Variants in PCDH9 observed in about 807,000 individuals in gnomAD.
PCDH9 encodes the protein protocadherin-9.
Under a neutral mutation model 70.6 loss-of-function variants are expected in PCDH9, and 24 were observed. That is an observed-to-expected ratio of 0.34 (90% confidence interval 0.25 to 0.48). PCDH9 has a LOEUF of 0.48. PCDH9 is among the 20% of genes least tolerant of loss of function. PCDH9 has a pLI of 0.99. For synonymous variants in PCDH9, 562 were observed against 558.5 expected, an observed-to-expected ratio of 1.01 and a Z score of -0.09; for missense variants, 1,281 against 1,503.6, an observed-to-expected ratio of 0.85 and a Z score of 2.45.
At chr13:66,996,147 G>C (rs2139809338) in intron 2 of PCDH9, 1 of 152,188 alleles carries the variant, frequency 6.6e-6, no homozygotes, top group East Asian at 1.9e-4. Flanking sequence ...ACTGAAGCTT[G>C]GGTTCTCAGA....
chr13:66,777,953 T>TA (rs1449674961), intron 3 of PCDH9, among the ~76,000 whole-genome samples: 1 of 151,872 alleles, frequency 6.6e-6, no homozygotes, highest in African/African-American at 2.4e-5. Context: ...TATGCAGCCA[T>TA]AAAAAATGAT....
chr13:66,859,638 A>G (rs1224569508), intron 3 of PCDH9, among the ~76,000 whole-genome samples: 2 of 152,206 alleles, frequency 1.3e-5, no homozygotes, highest in East Asian at 3.9e-4. Flanking sequence ...AATATAAAGT[A>G]ACCAAAGTTA....
At chr13:66,631,618 C>T (rs1006829304) in intron 3 of PCDH9, among the ~76,000 whole-genome samples, 4 of 152,138 alleles carry the variant, frequency 2.6e-5, no homozygotes, top group African/African-American at 9.7e-5. Flanking sequence ...GAATTTCAAT[C>T]TTGTATAATT....
rs539156122 is a variant in PCDH9 at position 67,158,288 on chromosome 13, G to T, written c.3036+67117C>A. ...ACCTATTTGATTTCATATATCCATT[G>T]CTTGAATATCTATGTGGCTTGCAAA... On this transcript the variant is annotated intron_variant, in intron 2 of 4. Transcript: ENST00000377865. 2.2e-4 allele frequency among the ~76,000 whole-genome samples: 33 copies of T among 152,240 alleles called. No individual in the cohort carries two copies. The East Asian group carries it at 6.0e-3, about 28-fold the overall frequency.
chr13:67,171,190 A>T (rs1450839752), intron 2 of PCDH9, among the ~76,000 whole-genome samples: 1 of 152,176 alleles, frequency 6.6e-6, no homozygotes, highest in Non-Finnish European at 1.5e-5. Context: ...TCCCACAGGG[A>T]ATAATTTTTC....
chr13:67,212,795 A>G (rs2089495027), intron 2 of PCDH9: 1 of 152,312 alleles, frequency 6.6e-6, no homozygotes, highest in Admixed American at 6.5e-5. Flanking sequence ...CAGGGAACCC[A>G]TTCACATAGG....
At chr13:67,003,793 G>A (rs1476206823) in intron 2 of PCDH9, among the ~76,000 whole-genome samples, 3 of 152,132 alleles carry the variant, frequency 2.0e-5, no homozygotes, top group African/African-American at 7.2e-5. Flanking sequence ...ACGCTTTACA[G>A]GAACGCTTTT....
rs185451386 is a variant in PCDH9, at chr13:66,368,200, T to C, written c.3341-63172A>G. On this transcript the variant is annotated intron_variant, in intron 4 of 4. Coordinates refer to ENST00000377865, the MANE Select transcript of PCDH9 (RefSeq NM_203487.3). ...TCTAGAACAGAGAGTGAACATTTTCTAAATGTCTTTAACATTACTAAATGA... is the reference window on the plus strand; with the variant it reads ...TCTAGAACAGAGAGTGAACATTTTCCAAATGTCTTTAACATTACTAAATGA... Among the ~76,000 whole-genome samples the C allele has an allele frequency of 5.6e-3, 859 of 152,230 alleles. 8 individuals carry two copies. The highest frequency in any genetic ancestry group is 0.019 in the African/African-American group (802 of 41,580).
At chr13:66,954,787 G>A (rs572317416) in intron 2 of PCDH9, among the ~76,000 whole-genome samples, 2 of 152,170 alleles carry the variant, frequency 1.3e-5, no homozygotes, top group South Asian at 4.2e-4. Context: ...TTTTTGAGAC[G>A]GAGTCTCGCT....
intron 3 of PCDH9, among the ~76,000 whole-genome samples, chr13:66,815,120 G>A (rs957427935): frequency 6.6e-6 from 1 of 151,968 alleles, no homozygotes; most frequent in Non-Finnish European, 1.5e-5. Context: ...GACCTAAACA[G>A]ACAATTTTCA....
intron 3 of PCDH9, among the ~76,000 whole-genome samples, chr13:66,642,394 A>C (rs1368177596): frequency 1.3e-5 from 2 of 152,062 alleles, no homozygotes; most frequent in Non-Finnish European, 1.5e-5. Context: ...TTGTTTAGAA[A>C]TATTTCATTG....
At chr13:67,188,468 T>TAA (rs1054187009) in intron 2 of PCDH9, among the ~76,000 whole-genome samples, 22 of 152,214 alleles carry the variant, frequency 1.4e-4, no homozygotes, top group African/African-American at 5.3e-4. Flanking sequence ...ATGGGAGGTA[T>TAA]AATTCCTCAT....
chr13:66,497,753 A>C (rs1431467332), intron 4 of PCDH9, among the ~76,000 whole-genome samples: 1 of 151,794 alleles, frequency 6.6e-6, no homozygotes, highest in Admixed American at 6.6e-5. Context: ...TTTGCTCTCC[A>C]TTAAGTTATA....
At chr13:66,858,131 C>T (rs957618896) in intron 3 of PCDH9, among the ~76,000 whole-genome samples, 3 of 152,084 alleles carry the variant, frequency 2.0e-5, no homozygotes, top group Admixed American at 6.6e-5. Flanking sequence ...CTTCCCAAAG[C>T]TTAAACATTG....
At chr13:66,427,498 T>C (rs943507316) in intron 4 of PCDH9, among the ~76,000 whole-genome samples, 2 of 151,742 alleles carry the variant, frequency 1.3e-5, no homozygotes, top group African/African-American at 4.8e-5. Context: ...TTTGTGTTAG[T>C]TCAAGATATG....
intron 4 of PCDH9, among the ~76,000 whole-genome samples, chr13:66,386,292 TTAAG>T (rs1465440556): frequency 6.6e-6 from 1 of 152,156 alleles, no homozygotes; most frequent in Admixed American, 6.6e-5. Flanking sequence ...TCTCCATTAC[TTAAG>T]TTTGCTTTTT....
intron 4 of PCDH9, among the ~76,000 whole-genome samples, chr13:66,596,065 A>G (rs1169699359): frequency 6.6e-6 from 1 of 151,692 alleles, no homozygotes; most frequent in African/African-American, 2.4e-5. Context: ...GTGATAAATC[A>G]TTACAAACAA....
chr13:67,228,500 G>A lies in PCDH9; in HGVS notation c.-60C>T, dbSNP rs902321406. On this transcript the variant is annotated 5_prime_UTR_variant, in exon 2 of 5. Coordinates refer to ENST00000377865, the MANE Select transcript of PCDH9 (RefSeq NM_203487.3). The stretch of plus-strand genomic sequence containing the variant: ...GGTTTAAAGGTTTCCACTGAGGAAT[G>A]ATGCACAAATTGCAAGAGGAAGCGT... The A allele has an allele frequency of 3.5e-6, 5 of 1,416,984 alleles. No homozygotes were observed. The highest frequency in any genetic ancestry group is 4.8e-5 in the Admixed American group (2 of 41,284). 87.8% of individuals were successfully genotyped at this position (1,416,984 alleles called of 1,614,324 possible).
chr13:66,840,083 G>C (rs1279609006), intron 3 of PCDH9, among the ~76,000 whole-genome samples: 1 of 151,990 alleles, frequency 6.6e-6, no homozygotes, highest in Non-Finnish European at 1.5e-5. Flanking sequence ...CTTAGCCCTT[G>C]TGGTGCTCTG....
Sources: gnomAD v4.1 joint callset for allele counts (sites outside exome capture counted in the v4.1 genomes callset) on GRCh38, gnomAD v4.1.1 for gene constraint, MANE v1.5 for transcripts, NCBI Gene and HGNC (gene_info 2026-07-23, HGNC 2026-07-21) for gene names.